The following PLEKHA8 variants were observed in gnomAD, a reference collection of about 807,000 sequenced individuals.
PLEKHA8 encodes pleckstrin homology domain-containing family A member 8.
A neutral mutation model predicts 68.2 loss-of-function variants in PLEKHA8; 36 were observed. That is an observed-to-expected ratio of 0.53 (90% CI 0.40 to 0.70). The LOEUF (loss-of-function observed/expected upper bound fraction) is 0.70, where lower values mean the gene tolerates loss of function less well. PLEKHA8 is among the 30% of genes least tolerant of loss of function. PLEKHA8 has a pLI of 0.00. For missense variants in PLEKHA8, 505 were observed against 615.4 expected, an observed-to-expected ratio of 0.82 and a Z score of 1.90; for synonymous variants, 211 against 216.1, an observed-to-expected ratio of 0.98 and a Z score of 0.20.
intron 13 of PLEKHA8, among the ~76,000 whole-genome samples, chr7:30,075,587 C>T (rs1240970084): frequency 6.6e-6 from 1 of 152,172 alleles, no homozygotes; most frequent in Non-Finnish European, 1.5e-5. Flanking sequence ...GCAGTGAAGA[C>T]ACAATCACTG....
intron 6 of PLEKHA8, among the ~76,000 whole-genome samples, chr7:30,052,134 A>G (rs1168970518): frequency 2.6e-5 from 4 of 152,180 alleles, no homozygotes; most frequent in Non-Finnish European, 5.9e-5. Context: ...AGAGCTGTCA[A>G]TGACTATTTC....
In PLEKHA8 at chr7:30,081,451, C is replaced by A; in HGVS notation, c.*2664C>A. On this transcript the variant is annotated 3_prime_UTR_variant, in exon 14 of 14. Transcript: ENST00000449726. ...GCATAGTCAGAGCTTCCTCCTACAT[C>A]TAAAGTATTTGCTCTCTGTTTTAGT... 2.0e-6 allele frequency: 2 copies of A among 984,726 alleles called. No homozygotes were observed. The highest frequency in any genetic ancestry group is 2.4e-6 in the Non-Finnish European group (2 of 829,324). The allele number at this position is 984,726 out of a possible 1,614,324, so 61.0% of individuals were successfully genotyped here. A position where few individuals can be genotyped will look rare whatever the true frequency, so the allele number is the denominator to read the frequency against.
chr7:30,115,910 G>T lies in PLEKHA8; in HGVS notation c.1363-13356G>T, dbSNP rs1245803779. 1.5e-5 allele frequency: 2 copies of T among 137,674 alleles called. 1 individual carries two copies. Among genetic ancestry groups the T allele is most frequent in the African/African-American group, 5.5e-5 (2 of 36,134 alleles). The allele number at this position is 137,674 out of a possible 1,614,324, so 8.5% of individuals were successfully genotyped here. ...CATGCGTATACATGCATGTATACAT[G>T]CATGCGTGCGTGTACATACATGTAT... is the stretch of plus-strand genomic sequence containing the variant. On this transcript the variant is annotated intron_variant, in intron 13 of 13. Coordinates refer to the PLEKHA8 transcript ENST00000396257.
intron 13 of PLEKHA8, among the ~76,000 whole-genome samples, chr7:30,098,321 C>T (rs1167545693): frequency 2.6e-5 from 4 of 152,220 alleles, no homozygotes; most frequent in Admixed American, 6.5e-5. Context: ...TCTCCAGCTG[C>T]GTGCTGGGAG....
At chr7:30,097,616 C>T (rs557587392) in intron 13 of PLEKHA8, among the ~76,000 whole-genome samples, 12 of 152,300 alleles carry the variant, frequency 7.9e-5, no homozygotes, top group South Asian at 6.2e-4. Context: ...CAGTTGATCA[C>T]GTTGGCTACT....
downstream of PLEKHA8, chr7:30,129,580 T>C (rs1796838528): frequency 2.1e-6 from 1 of 481,018 alleles, no homozygotes; most frequent in Admixed American, 3.3e-5. Flanking sequence ...AAGTCAATAC[T>C]TCTACATGCA....
chr7:30,082,887 T>G lies in PLEKHA8; in HGVS notation c.*4100T>G, dbSNP rs1271437693. 4.1e-6 allele frequency: 4 copies of G among 985,358 alleles called. No homozygotes were observed. The highest frequency in any genetic ancestry group is 4.8e-6 in the Non-Finnish European group (4 of 829,896). The allele number at this position is 985,358 out of a possible 1,614,324, so 61.0% of individuals were successfully genotyped here. A position where few individuals can be genotyped will look rare whatever the true frequency, so the allele number is the denominator to read the frequency against. ...GGGAGCTTCCTGGAGGAAAATTAAG[T>G]TTTTTTCCTAGCAAACTACCATGTC... On this transcript the variant is annotated 3_prime_UTR_variant, in exon 14 of 14. Coordinates refer to ENST00000449726, the MANE Select transcript of PLEKHA8 (RefSeq NM_001197026.2).
chr7:30,054,342 A>G (rs1469763843), intron 7 of PLEKHA8, among the ~76,000 whole-genome samples: 2 of 152,192 alleles, frequency 1.3e-5, no homozygotes, highest in African/African-American at 4.8e-5. Flanking sequence ...AAATTCACAA[A>G]TACATATAGA....
intron 13 of PLEKHA8, among the ~76,000 whole-genome samples, chr7:30,127,723 T>C (rs1796799273): frequency 6.6e-6 from 1 of 152,208 alleles, no homozygotes; most frequent in Non-Finnish European, 1.5e-5. Flanking sequence ...TATAGGAATG[T>C]AAAAAGTTCT....
intron 13 of PLEKHA8, among the ~76,000 whole-genome samples, chr7:30,097,028 A>T (rs1562547508): frequency 6.6e-6 from 1 of 152,178 alleles, no homozygotes; most frequent in African/African-American, 2.4e-5. Context: ...CCTGGTGGTG[A>T]CAAAATCTCT....
chr7:30,036,520 C>T (rs995223521), intron 1 of PLEKHA8, among the ~76,000 whole-genome samples: 5 of 151,894 alleles, frequency 3.3e-5, no homozygotes, highest in Admixed American at 3.3e-4. Context: ...GATGACATAC[C>T]TGGATGTTAT....
downstream of PLEKHA8, among the ~76,000 whole-genome samples, chr7:30,095,595 G>T (rs1026496203): frequency 1.6e-4 from 25 of 152,296 alleles, no homozygotes; most frequent in African/African-American, 5.1e-4. Flanking sequence ...ATGAAGTCAT[G>T]GCCCATGCCT....
At position 30,082,670 on chromosome 7, in the gene PLEKHA8, T is replaced by C. The variant is rs1288107047; in HGVS notation, c.*3883T>C. Reference sequence around the variant, plus strand: ...AGAAAAGTGTTTTTAATTAAAAATATGTGATAGGGACCAAATAAGTAAAGT... The same window carrying C: ...AGAAAAGTGTTTTTAATTAAAAATACGTGATAGGGACCAAATAAGTAAAGT... On this transcript the variant is annotated 3_prime_UTR_variant, in exon 14 of 14. Coordinates refer to ENST00000449726, the MANE Select transcript of PLEKHA8 (RefSeq NM_001197026.2). The C allele has an allele frequency of 8.1e-6, 8 of 984,010 alleles. No individual in the cohort carries two copies. The highest frequency in any genetic ancestry group is 9.7e-6 in the Non-Finnish European group (8 of 828,764). 61.0% of individuals were successfully genotyped at this position (984,010 alleles called of 1,614,324 possible). A position where few individuals can be genotyped will look rare whatever the true frequency, so the allele number is the denominator to read the frequency against.
intron 12 of PLEKHA8, among the ~76,000 whole-genome samples, chr7:30,069,244 T>C (rs1324678988): frequency 2.6e-5 from 4 of 152,312 alleles, no homozygotes; most frequent in African/African-American, 4.8e-5. Context: ...AATCTCCTGG[T>C]TCCTAATTCT....
Position 30,081,584 on chromosome 7 carries a change from A to G in PLEKHA8, c.*2797A>G, listed in dbSNP as rs1266648984. Reference sequence around the variant, plus strand: ...GCCCTCCAAGACTTCTGGGACAACTAAATTTACTTTCACCATTACTGTGAG... The same window carrying G: ...GCCCTCCAAGACTTCTGGGACAACTGAATTTACTTTCACCATTACTGTGAG... On this transcript the variant is annotated 3_prime_UTR_variant, in exon 14 of 14. Coordinates refer to ENST00000449726, the MANE Select transcript of PLEKHA8 (RefSeq NM_001197026.2). 1 of 985,144 alleles carries G rather than the reference A, an allele frequency of 1.0e-6. No individual in the cohort carries two copies. The highest frequency in any genetic ancestry group is 6.2e-5 in the Admixed American group (1 of 16,258). The allele number at this position is 985,144 out of a possible 1,614,324, so 61.0% of individuals were successfully genotyped here.
At chr7:30,074,246 T>TTTG (rs1554277761) in intron 13 of PLEKHA8, 114 bp downstream of exon 13, 3 of 488,436 alleles carry the variant, frequency 6.1e-6, no homozygotes, top group Non-Finnish European at 7.2e-6. Context: ...AGAAACAAAG[T>TTTG]TGTGTGTGTG....
chr7:30,043,716 C>T lies in PLEKHA8; in HGVS notation c.41-1369C>T, dbSNP rs112278862. ...TGCTGACTATTCAGGCTTCTGATTA[C>T]GGTGTAGTTCCTTGTTCCATAATCT... On this transcript the variant is annotated intron_variant, in intron 1 of 13. Transcript: ENST00000449726. 6.7e-3 allele frequency among the ~76,000 whole-genome samples: 1,021 copies of T among 152,312 alleles called. 7 individuals are homozygous for T. Among genetic ancestry groups the T allele is most frequent in the Non-Finnish European group, 0.01 (686 of 68,032 alleles).
At chr7:30,076,207 CA>C (rs1407237084) in intron 13 of PLEKHA8, among the ~76,000 whole-genome samples, 1 of 151,846 alleles carries the variant, frequency 6.6e-6, no homozygotes, top group Non-Finnish European at 1.5e-5. Flanking sequence ...CTATCATTAT[CA>C]TTTTTAAATG....
At position 30,052,749 on chromosome 7, in the gene PLEKHA8, A is replaced by G; in HGVS notation, c.679A>G (p.Met227Val). ...LSTCENGSLN[M>V]EINGEEEILM... is the part of the protein sequence containing the mutation. ...CACTTGTGAAAATGGATCTTTAAAT[A>G]TGGAAATAAATGGTGAGGAAGAAAT... is the stretch of plus-strand genomic sequence containing the variant. The change falls in exon 7 of 14, where the codon ATG (methionine) becomes GTG (valine). Residue 227 changes from methionine (M) to valine (V), a missense_variant. By Grantham distance (21) the Met-to-Val change is conservative. Transcript: ENST00000449726. 1 of 1,562,396 alleles carries G rather than the reference A, an allele frequency of 6.4e-7. No individual in the cohort carries two copies. Among genetic ancestry groups the G allele is most frequent in the African/African-American group, 1.4e-5 (1 of 71,368 alleles).
Sources: allele counts gnomAD v4.1 joint callset (sites outside exome capture counted in the v4.1 genomes callset), GRCh38; gene constraint gnomAD v4.1.1; transcripts MANE v1.5; gene names NCBI Gene and HGNC (gene_info 2026-07-23, HGNC 2026-07-21).